PHACTR3: variants seen among roughly 807,000 people sequenced by gnomAD.
PHACTR3 encodes protein phosphatase 1, regulatory subunit 123.
Under a neutral mutation model 66.8 loss-of-function variants are expected in PHACTR3, and 16 were observed. The observed-to-expected ratio is 0.24, with a 90% CI of 0.16 to 0.36. The LOEUF (loss-of-function observed/expected upper bound fraction) is 0.36. PHACTR3 is among the 10% of genes least tolerant of loss of function. The pLI, the probability that PHACTR3 is intolerant of heterozygous loss-of-function variation, is 1.00. For synonymous variants in PHACTR3, 323 were observed against 292.1 expected (o/e 1.11, Z -1.08); for missense variants, 647 against 719.9 (o/e 0.90, Z 1.16).
chr20:59,785,848 CTCTGCATCCCCTGCT>C (rs979601713), intron 7 of PHACTR3, among the ~76,000 whole-genome samples: 1 of 40,474 alleles, frequency 2.5e-5, no homozygotes, highest in African/African-American at 5.1e-5. Context: ...TCCAGCAGCC[CTCTGCATCCCCTGCT>C]TCTGCATCCC....
intron 1 of PHACTR3, among the ~76,000 whole-genome samples, chr20:59,660,486 C>A (rs765269021): frequency 6.6e-6 from 1 of 152,104 alleles, no homozygotes; most frequent in Non-Finnish European, 1.5e-5. Flanking sequence ...AGCGAGACTC[C>A]GTCTCAAAAA....
chr20:59,697,374 G>A (rs975605545), intron 1 of PHACTR3, among the ~76,000 whole-genome samples: 16 of 152,194 alleles, frequency 1.1e-4, no homozygotes, highest in African/African-American at 3.6e-4. Context: ...TACGGAAATA[G>A]AAAAAGAAAA....
intron 4 of PHACTR3, among the ~76,000 whole-genome samples, chr20:59,761,851 T>C (rs2040002495): frequency 6.6e-6 from 1 of 152,178 alleles, no homozygotes; most frequent in South Asian, 2.1e-4. Flanking sequence ...AAGCTTCTGG[T>C]TGAGACTGCA....
intron 7 of PHACTR3, among the ~76,000 whole-genome samples, chr20:59,782,394 G>A (rs559323528): frequency 6.6e-6 from 1 of 152,254 alleles, no homozygotes; most frequent in African/African-American, 2.4e-5. Flanking sequence ...TGGGATTACA[G>A]GTGCATACCA....
chr20:59,731,774 G>A (rs1424195339), intron 1 of PHACTR3, among the ~76,000 whole-genome samples: 2 of 152,138 alleles, frequency 1.3e-5, no homozygotes, highest in East Asian at 3.8e-4. Context: ...TGCGTGCAGG[G>A]TGCCTTAGAC....
intron 3 of PHACTR3, among the ~76,000 whole-genome samples, chr20:59,750,157 CCA>C (rs1202025148): frequency 1.3e-5 from 2 of 151,750 alleles, no homozygotes; most frequent in African/African-American, 4.8e-5. Context: ...CAACTCACGA[CCA>C]CAGTGAGTGC....
At chr20:59,773,925 A>G (rs1483321875) in intron 6 of PHACTR3, among the ~76,000 whole-genome samples, 2 of 152,250 alleles carry the variant, frequency 1.3e-5, no homozygotes, top group Non-Finnish European at 2.9e-5. Flanking sequence ...AGGAGACAGT[A>G]TGGGTTGGAG....
chr20:59,824,244 A>T (rs148593915), intron 8 of PHACTR3, among the ~76,000 whole-genome samples: 19 of 152,206 alleles, frequency 1.2e-4, no homozygotes, highest in Non-Finnish European at 2.5e-4. Context: ...CCCCCATACC[A>T]TTCAGGTTGA....
intron 8 of PHACTR3, among the ~76,000 whole-genome samples, chr20:59,821,622 G>A (rs11908496): frequency 0.13 from 20,428 of 152,130 alleles, 1,611 homozygotes; most frequent in East Asian, 0.25. Flanking sequence ...GGAAACTCGC[G>A]GCTTCTGCTG....
chr20:59,836,678 T>C, intron 9 of PHACTR3, 118 bp downstream of exon 9: 2 of 948,806 alleles, frequency 2.1e-6, no homozygotes, highest in East Asian at 2.9e-5. Context: ...ATGCTCCCAG[T>C]AAACCTGAGC....
intron 1 of PHACTR3, among the ~76,000 whole-genome samples, chr20:59,622,999 A>AAAAAAAC (rs1363121702): frequency 6.7e-6 from 1 of 148,554 alleles, no homozygotes. Flanking sequence ...AAAAAAAAAA[A>AAAAAAAC]AACCCAAATC....
chr20:59,673,281 A>G lies in PHACTR3; in HGVS notation c.118+68149A>G, dbSNP rs1182745204. On this transcript the variant is annotated intron_variant, in intron 1 of 12. Coordinates refer to ENST00000371015, the MANE Select transcript of PHACTR3 (RefSeq NM_080672.5). ...TAGTCTGCTCATCTGTAGAATGGGA[A>G]TAGAATCCTTCACTCTGTGGCCTGT... Among the ~76,000 whole-genome samples, 5 of 152,162 alleles carry G rather than the reference A, an allele frequency of 3.3e-5. No individual in the cohort carries two copies. The South Asian group carries it at 1.0e-3, about 32-fold the overall frequency.
intron 8 of PHACTR3, among the ~76,000 whole-genome samples, chr20:59,831,863 G>A (rs553350880): frequency 1.3e-4 from 20 of 152,318 alleles, no homozygotes; most frequent in South Asian, 6.2e-4. Context: ...GGCTCTGGGG[G>A]TCTGCTCTCA....
intron 7 of PHACTR3, among the ~76,000 whole-genome samples, chr20:59,791,252 G>A (rs188132988): frequency 1.3e-5 from 2 of 152,246 alleles, no homozygotes; most frequent in Non-Finnish European, 2.9e-5. Flanking sequence ...TTGCCCTTCT[G>A]TTATGTTATG....
rs79076103 is a variant in PHACTR3 at position 59,689,610 on chromosome 20, A to G, written c.119-53497A>G. Among the ~76,000 whole-genome samples, 1,103 of 152,308 alleles carry G rather than the reference A, an allele frequency of 7.2e-3. 14 individuals are homozygous for G. Among genetic ancestry groups the G allele is most frequent in the African/African-American group, 0.025 (1,050 of 41,560 alleles). Reference sequence around the variant, plus strand: ...GGAGTCCAGACATAGCCAGTGAAACAATATTGAACCCCCTGCAATAGTCCA... The same window carrying G: ...GGAGTCCAGACATAGCCAGTGAAACGATATTGAACCCCCTGCAATAGTCCA... On this transcript the variant is annotated intron_variant, in intron 1 of 12. Coordinates refer to ENST00000371015, the MANE Select transcript of PHACTR3 (RefSeq NM_080672.5).
chr20:59,808,453 C>T (rs2041634292), intron 8 of PHACTR3, among the ~76,000 whole-genome samples: 1 of 152,226 alleles, frequency 6.6e-6, no homozygotes, highest in South Asian at 2.1e-4. Flanking sequence ...GTCCACATCT[C>T]CTGCCCACCC....
rs1259007112 is a variant in PHACTR3 at position 59,738,679 on chromosome 20, C to A, written c.119-4428C>A. Among the ~76,000 whole-genome samples, 1 of 152,156 alleles carries A rather than the reference C, an allele frequency of 6.6e-6. No individual in the cohort carries two copies. Among genetic ancestry groups the A allele is most frequent in the East Asian group, 1.9e-4 (1 of 5,192 alleles). On this transcript the variant is annotated intron_variant, in intron 1 of 12. Coordinates refer to ENST00000371015, the MANE Select transcript of PHACTR3 (RefSeq NM_080672.5). This position sits in a 1 kb window ranked among gnomAD's most constrained non-coding sequence, Gnocchi z 4.4. ...CCCACCTAACTCCTTGATGCTGTGG[C>A]CCTCAGCAGACCCTGATTCCTCCAG...
At chr20:59,646,877 T>A (rs2035297652) in intron 1 of PHACTR3, among the ~76,000 whole-genome samples, 1 of 152,220 alleles carries the variant, frequency 6.6e-6, no homozygotes, top group African/African-American at 2.4e-5. Flanking sequence ...AAAGGGTTTT[T>A]CCCAGTGGAG....
intron 1 of PHACTR3, among the ~76,000 whole-genome samples, chr20:59,729,922 G>A (rs543963131): frequency 2.6e-5 from 4 of 152,228 alleles, no homozygotes; most frequent in East Asian, 3.9e-4. Context: ...CGTTGGACCC[G>A]GACTTGGTAA....
Sources: allele counts gnomAD v4.1 joint callset (sites outside exome capture counted in the v4.1 genomes callset), GRCh38; gene constraint gnomAD v4.1.1; non-coding constraint Gnocchi (gnomAD v3.1); transcripts MANE v1.5; gene names NCBI Gene and HGNC (gene_info 2026-07-23, HGNC 2026-07-21).